Variants in TPD52L1 observed in about 807,000 individuals in gnomAD.
TPD52L1 encodes the protein tumor protein D53.
In TPD52L1, 18 loss-of-function variants were observed where a neutral mutation model predicts 28.7. The observed-to-expected ratio is 0.63, with a 90% confidence interval of 0.43 to 0.93. The LOEUF (loss-of-function observed/expected upper bound fraction) is 0.93, where lower values mean the gene tolerates loss of function less well. TPD52L1 is among the 40% of genes least tolerant of loss of function. The probability of loss-of-function intolerance (pLI) is 0.00; values close to 1 mark genes in which losing one functional copy is unlikely to be tolerated. For synonymous variants in TPD52L1, 75 were observed against 88.8 expected (o/e 0.84, Z 0.88); for missense variants, 203 against 254.8 (o/e 0.80, Z 1.39).
chr6:125,247,364 A>G (rs1220834492), intron 3 of TPD52L1, among the ~76,000 whole-genome samples: 1 of 152,134 alleles, frequency 6.6e-6, no homozygotes, highest in Non-Finnish European at 1.5e-5. Context: ...TTTCATAACC[A>G]ACTCAGAAAT....
intron 1 of TPD52L1, among the ~76,000 whole-genome samples, chr6:125,192,784 A>G (rs1352331059): frequency 6.6e-6 from 1 of 152,058 alleles, no homozygotes; most frequent in Non-Finnish European, 1.5e-5. Flanking sequence ...ACCCATATGG[A>G]CTCACCTGTC....
At chr6:125,198,163 A>G (rs979590962) in intron 1 of TPD52L1, among the ~76,000 whole-genome samples, 1 of 152,162 alleles carries the variant, frequency 6.6e-6, no homozygotes, top group Admixed American at 6.5e-5. Flanking sequence ...ACCTTCAGGG[A>G]CAGAGGTCTG....
intron 2 of TPD52L1, among the ~76,000 whole-genome samples, chr6:125,225,266 T>A (rs1795532774): frequency 1.3e-5 from 2 of 152,260 alleles, no homozygotes; most frequent in African/African-American, 4.8e-5. Context: ...ACATTTGGGC[T>A]GTAGTCACCT....
intron 1 of TPD52L1, among the ~76,000 whole-genome samples, chr6:125,171,571 T>G (rs1791300124): frequency 1.3e-5 from 2 of 152,146 alleles, no homozygotes; most frequent in East Asian, 3.9e-4. Context: ...GGCCAGGAAC[T>G]GTGGGCAGCT....
At chr6:125,156,641 G>C (rs508692) in intron 1 of TPD52L1, among the ~76,000 whole-genome samples, 4,619 of 151,744 alleles carry the variant, frequency 0.03, 256 homozygotes, top group African/African-American at 0.11. Flanking sequence ...GTGGTGGTGC[G>C]TGCCTGTATC....
At chr6:125,248,184 T>C in intron 3 of TPD52L1, 98 bp from the exon 4 acceptor site, 1 of 982,626 alleles carries the variant, frequency 1.0e-6, no homozygotes, top group East Asian at 2.6e-5. Flanking sequence ...CTAAATCTGT[T>C]GAGGAAAGGA....
chr6:125,166,390 C>T (rs887206721), intron 1 of TPD52L1, among the ~76,000 whole-genome samples: 2 of 152,140 alleles, frequency 1.3e-5, no homozygotes, highest in African/African-American at 4.8e-5. Flanking sequence ...GTTAGGTCAG[C>T]CCTGGGAAGA....
chr6:125,243,648 A>T (rs1416180457), intron 3 of TPD52L1, among the ~76,000 whole-genome samples: 1 of 151,680 alleles, frequency 6.6e-6, no homozygotes, highest in Non-Finnish European at 1.5e-5. Context: ...AGAAGTTATG[A>T]TTGTTTTTTC....
chr6:125,245,732 AGTTGGC>A (rs1409845009), intron 3 of TPD52L1, among the ~76,000 whole-genome samples: 1 of 152,172 alleles, frequency 6.6e-6, no homozygotes, highest in Non-Finnish European at 1.5e-5. Context: ...GCTCCCACGC[AGTTGGC>A]GAGGCCAGTC....
intron 1 of TPD52L1, chr6:125,209,001 C>T: frequency 1.1e-6 from 1 of 948,870 alleles, no homozygotes; most frequent in Non-Finnish European, 1.3e-6. Context: ...TTCAGAGTCT[C>T]AAAATCTTAT....
chr6:125,200,595 T>A (rs566616598), intron 1 of TPD52L1, among the ~76,000 whole-genome samples: 152 of 152,332 alleles, frequency 1.0e-3, no homozygotes, highest in African/African-American at 3.5e-3. Context: ...GCAGCCAACA[T>A]TAACAATTTG....
chr6:125,187,411 C>G (rs1189743525), intron 1 of TPD52L1, among the ~76,000 whole-genome samples: 2 of 152,084 alleles, frequency 1.3e-5, no homozygotes, highest in East Asian at 1.9e-4. Context: ...TCTCCTGGAA[C>G]TAAAATTAGC....
At chr6:125,244,697 G>C (rs1796815519) in intron 3 of TPD52L1, among the ~76,000 whole-genome samples, 1 of 152,154 alleles carries the variant, frequency 6.6e-6, no homozygotes, top group Non-Finnish European at 1.5e-5. Flanking sequence ...TCTGGGGGAA[G>C]CCCAACTGTG....
At chr6:125,199,588 G>A (rs1321745883) in intron 1 of TPD52L1, among the ~76,000 whole-genome samples, 1 of 152,186 alleles carries the variant, frequency 6.6e-6, no homozygotes, top group African/African-American at 2.4e-5. Flanking sequence ...GGGAGGCTGA[G>A]GCTGGAGAAT....
rs1562411651 is a variant in TPD52L1, at chr6:125,261,010, GAAA to G, written c.487-1823_487-1821del. ...AGAAAGAAAGAAAGAAAGAAAGAAA[GAAA>G]GAAAGAAAAGAAAAGAAAGAAAGAA... On this transcript the variant is annotated intron_variant, in intron 6 of 6. Coordinates refer to ENST00000534000, the MANE Select transcript of TPD52L1 (RefSeq NM_003287.4). 1.8e-4 allele frequency: 5 copies of G among 27,452 alleles called. 1 individual carries two copies. Among genetic ancestry groups the G allele is most frequent in the South Asian group, 1.8e-3 (1 of 556 alleles). The allele number at this position is 27,452 out of a possible 1,614,324, so 1.7% of individuals were successfully genotyped here.
chr6:125,191,666 T>C (rs150486493), intron 1 of TPD52L1, among the ~76,000 whole-genome samples: 1 of 152,216 alleles, frequency 6.6e-6, no homozygotes, highest in East Asian at 1.9e-4. Context: ...TAAGACCAAA[T>C]GAACTCTAAG....
Position 125,263,192 on chromosome 6 carries a change from A to G in TPD52L1, c.*230A>G. 2 of 539,170 alleles carry G rather than the reference A, an allele frequency of 3.7e-6. No homozygotes were observed. The highest frequency in any genetic ancestry group is 2.5e-5 in the South Asian group (1 of 40,324). 33.4% of individuals were successfully genotyped at this position (539,170 alleles called of 1,614,324 possible). ...TCATAGATGACTGTCACATTTTAAAATGTTCCCACTTGAGCAGGTACACAA... is the reference window on the plus strand; with the variant it reads ...TCATAGATGACTGTCACATTTTAAAGTGTTCCCACTTGAGCAGGTACACAA... On this transcript the variant is annotated 3_prime_UTR_variant, in exon 7 of 7. Transcript: ENST00000534000.
intron 3 of TPD52L1, 121 bp from the exon 4 acceptor site, chr6:125,248,161 G>T: frequency 1.3e-6 from 1 of 791,768 alleles, no homozygotes. Flanking sequence ...CAGTGGTTTT[G>T]TGGATCTTCT....
At chr6:125,210,584 TGCA>T (rs1794429255) in intron 1 of TPD52L1, among the ~76,000 whole-genome samples, 1 of 151,822 alleles carries the variant, frequency 6.6e-6, no homozygotes, top group East Asian at 1.9e-4. Flanking sequence ...CTGGTGTATA[TGCA>T]TGTAAGGTAT....
Sources: gnomAD v4.1 joint callset for allele counts (sites outside exome capture counted in the v4.1 genomes callset) on GRCh38, gnomAD v4.1.1 for gene constraint, MANE v1.5 for transcripts, NCBI Gene and HGNC (gene_info 2026-07-23, HGNC 2026-07-21) for gene names.